POGZ: variants seen among roughly 807,000 people sequenced by gnomAD.
POGZ encodes pogo transposable element with ZNF domain.
A neutral mutation model predicts 134.6 loss-of-function variants in POGZ; 17 were observed. The ratio of observed to expected loss-of-function variants is 0.13; its 90% CI spans 0.09 to 0.19. The LOEUF is 0.19. POGZ is among the 10% of genes least tolerant of loss of function. The pLI is 1.00. For missense variants in POGZ, 1,306 were observed against 1,769.7 expected (o/e 0.74, Z 4.70); for synonymous variants, 693 against 657.1 (o/e 1.05, Z -0.84).
At chr1:151,408,638 G>C in intron 13 of POGZ, 56 bp downstream of exon 13, 31 of 1,604,132 alleles carry the variant, frequency 1.9e-5, no homozygotes, top group Non-Finnish European at 2.6e-5. Context: ...TCAGAATACT[G>C]AAAATCTCTA....
rs1243393917 is a variant in POGZ at position 151,404,771 on chromosome 1, CTCACT to C, written c.*26_*30del. On this transcript the variant is annotated 3_prime_UTR_variant, in exon 19 of 19. Transcript: ENST00000271715. ...TTACCCTCCCTCACATGTTCCCACC[CTCACT>C]CCACACCCCCTCATGACCCCAACAC... The C allele has an allele frequency of 1.3e-6, 2 of 1,559,524 alleles. No homozygotes were observed.
At position 151,429,673 on chromosome 1, in the gene POGZ, T is replaced by G; in HGVS notation, c.498A>C (p.Ala166=). 1 of 1,613,480 alleles carries G rather than the reference T, an allele frequency of 6.2e-7. No homozygotes were observed. Among genetic ancestry groups the G allele is most frequent in the Non-Finnish European group, 8.5e-7 (1 of 1,179,458 alleles). Reference sequence around the variant, plus strand: ...TCAGCACAATCCCAACCTGATTCATTGCATTTTGTACAGGCCGGACATTCC... The same window carrying G: ...TCAGCACAATCCCAACCTGATTCATGGCATTTTGTACAGGCCGGACATTCC... The part of the protein sequence containing the change: ...PVRNVRPVQN[A]MNQVGIVLNV... The change falls in exon 5 of 19, where the codon GCA becomes GCC. Residue 166 remains alanine (A), a synonymous_variant. Coordinates refer to ENST00000271715, the MANE Select transcript of POGZ (RefSeq NM_015100.4).
intron 10 of POGZ, among the ~76,000 whole-genome samples, 179 bp downstream of exon 10, chr1:151,423,218 A>G (rs1048613766): frequency 6.6e-6 from 1 of 152,142 alleles, no homozygotes; most frequent in African/African-American, 2.4e-5. Flanking sequence ...AACAAAATAA[A>G]AGTCAGGCTT....
At chr1:151,452,208 C>T (rs894423221) in intron 1 of POGZ, among the ~76,000 whole-genome samples, 2 of 151,340 alleles carry the variant, frequency 1.3e-5, no homozygotes, top group South Asian at 2.1e-4. Flanking sequence ...GAAACAGAAC[C>T]GATCCCTCTA....
In POGZ at chr1:151,429,689, C is replaced by T. The variant is rs767143110; in HGVS notation, c.482G>A (p.Arg161Gln). ...CTGATTCATTGCATTTTGTACAGGC[C>T]GGACATTCCTTACAGGAAATCCCTG... Reference protein sequence around the residue: ...TTQGFPVRNVRPVQNAMNQVG... With the variant: ...TTQGFPVRNVQPVQNAMNQVG... Residue 161 changes from arginine to glutamine, a missense_variant, in exon 5 of 19, where the codon CGG becomes CAG. Around this residue, in one of 10 missense-constraint regions of POGZ, gnomAD observed 541 missense variants for 680.5 expected, o/e 0.80. Transcript: ENST00000271715. 4 of 1,611,334 alleles carry T rather than the reference C, an allele frequency of 2.5e-6. No homozygotes were observed. The highest frequency in any genetic ancestry group is 2.2e-5 in the South Asian group (2 of 90,930).
chr1:151,420,202 GT>G (rs1656652117), intron 10 of POGZ, among the ~76,000 whole-genome samples: 1 of 152,118 alleles, frequency 6.6e-6, no homozygotes, highest in African/African-American at 2.4e-5. Flanking sequence ...AAAAACTGGT[GT>G]TTTCACTAAG....
chr1:151,451,094 C>G (rs1018737037), intron 1 of POGZ: 1 of 151,762 alleles, frequency 6.6e-6, no homozygotes, highest in Non-Finnish European at 1.5e-5. Flanking sequence ...TGGTGGCACA[C>G]GCCTGTAATC....
chr1:151,458,536 C>T lies in POGZ; in HGVS notation c.-2+616G>A, dbSNP rs553561964. Among the ~76,000 whole-genome samples, 3 of 151,566 alleles carry T rather than the reference C, an allele frequency of 2.0e-5. No homozygotes were observed. The South Asian group carries it at 6.2e-4, about 31-fold the overall frequency. ...TTCCTCCTCCCGCTCAAAACGAGCG[C>T]CCCACTCCTTCTCGGAGCGGGAATG... On this transcript the variant is annotated intron_variant, in intron 1 of 18. Transcript: ENST00000271715.
chr1:151,444,532 C>G (rs1661001357), intron 1 of POGZ, among the ~76,000 whole-genome samples: 1 of 152,142 alleles, frequency 6.6e-6, no homozygotes, highest in Admixed American at 6.5e-5. Context: ...GGACAATAAC[C>G]TCTGCCGATG....
rs555935933 is a variant in POGZ at position 151,405,246 on chromosome 1, T to C, written c.3789A>G (p.Pro1263=). 5.1e-5 allele frequency: 82 copies of C among 1,614,100 alleles called. No homozygotes were observed. Among genetic ancestry groups the C allele is most frequent in the Non-Finnish European group, 6.6e-5 (78 of 1,180,018 alleles). ...CAGTTCTTTTGATGCATACATCTAA[T>C]GGCTGAATTTTGGAGCTACAGCCTG... ...VPAGCSSKIQ[P]LDVCIKRTVK... The change falls in exon 19 of 19, where the codon CCA becomes CCG. Residue 1263 remains proline (P), a synonymous_variant. Coordinates refer to ENST00000271715, the MANE Select transcript of POGZ (RefSeq NM_015100.4). The surrounding 1 kb of genome is among the most constrained non-coding windows in gnomAD (Gnocchi z 4.9).
At chr1:151,431,523 A>G (rs1453254545) in intron 3 of POGZ, among the ~76,000 whole-genome samples, 4 of 152,190 alleles carry the variant, frequency 2.6e-5, no homozygotes, top group African/African-American at 4.8e-5. Flanking sequence ...AATCTGAGAA[A>G]TGCAAGATTC....
At position 151,403,705 on chromosome 1, in the gene POGZ, G is replaced by A. The variant is rs1653096588; in HGVS notation, c.*1097C>T. ...TTCCCTAAGTATTAAGAGAAATAGGGGAAAGCCACAGAGCACGCTGGATTT... is the reference window on the plus strand; with the variant it reads ...TTCCCTAAGTATTAAGAGAAATAGGAGAAAGCCACAGAGCACGCTGGATTT... On this transcript the variant is annotated 3_prime_UTR_variant, in exon 19 of 19. Transcript: ENST00000271715. The A allele has an allele frequency of 1.0e-6, 1 of 985,832 alleles. No homozygotes were observed. Among genetic ancestry groups the A allele is most frequent in the Middle Eastern group, 5.2e-4 (1 of 1,914 alleles). The allele number at this position is 985,832 out of a possible 1,614,324, so 61.1% of individuals were successfully genotyped here. A position where few individuals can be genotyped will look rare whatever the true frequency, so the allele number is the denominator to read the frequency against.
Position 151,449,329 on chromosome 1 carries a change from C to A in POGZ, c.-1-7124G>T, listed in dbSNP as rs10157020. Among the ~76,000 whole-genome samples, 3 of 152,060 alleles carry A rather than the reference C, an allele frequency of 2.0e-5. No individual in the cohort carries two copies. The South Asian group carries it at 6.2e-4, about 32-fold the overall frequency. On this transcript the variant is annotated intron_variant, in intron 1 of 18. Transcript: ENST00000271715. The stretch of plus-strand genomic sequence containing the variant: ...GAGGTCACGTTTGCCCCCCAGAGGG[C>A]ATTTGGCAATGTCTAGAGACATTTT...
At chr1:151,421,871 G>C (rs1656982283) in intron 10 of POGZ, among the ~76,000 whole-genome samples, 1 of 152,148 alleles carries the variant, frequency 6.6e-6, no homozygotes, top group Non-Finnish European at 1.5e-5. Context: ...TCATGCCTTG[G>C]CTTCCTGAGT....
intron 10 of POGZ, among the ~76,000 whole-genome samples, chr1:151,412,897 C>T (rs532261198): frequency 4.6e-5 from 7 of 152,264 alleles, no homozygotes; most frequent in African/African-American, 1.4e-4. Flanking sequence ...CTCCTACTCT[C>T]TTTGAAATTG....
intron 10 of POGZ, among the ~76,000 whole-genome samples, chr1:151,418,011 G>A (rs571863469): frequency 2.3e-4 from 35 of 152,054 alleles, no homozygotes; most frequent in Non-Finnish European, 4.3e-4. Flanking sequence ...TCAGGAGTTT[G>A]AGACCAGCCT....
At chr1:151,412,609 T>C (rs1654866698) in intron 10 of POGZ, among the ~76,000 whole-genome samples, 2 of 152,342 alleles carry the variant, frequency 1.3e-5, no homozygotes, top group Non-Finnish European at 1.5e-5. Context: ...CAAAGCTTCA[T>C]TCTAGATTTT....
In POGZ at chr1:151,403,623, A is replaced by G; in HGVS notation, c.*1179T>C. The G allele has an allele frequency of 1.0e-6, 1 of 985,802 alleles. No homozygotes were observed. Among genetic ancestry groups the G allele is most frequent in the Non-Finnish European group, 1.2e-6 (1 of 829,876 alleles). The allele number at this position is 985,802 out of a possible 1,614,324, so 61.1% of individuals were successfully genotyped here. A position where few individuals can be genotyped will look rare whatever the true frequency, so the allele number is the denominator to read the frequency against. ...TTCCTTGAAGCTGGCAGTGAAAAAT[A>G]AAGATTCATGTCATTTTCTTTGTGC... is the stretch of plus-strand genomic sequence containing the variant. On this transcript the variant is annotated 3_prime_UTR_variant, in exon 19 of 19. Transcript: ENST00000271715.
chr1:151,424,832 AAG>A, intron 8 of POGZ, 121 bp downstream of exon 8: 1 of 618,276 alleles, frequency 1.6e-6, no homozygotes, highest in Middle Eastern at 2.8e-4. Context: ...AAAACAGACC[AAG>A]AGAAACAGTA....
Sources: gnomAD v4.1 joint callset for allele counts (sites outside exome capture counted in the v4.1 genomes callset) on GRCh38, gnomAD v4.1.1 for gene constraint, gnomAD v4.1.1 regional missense constraint, Gnocchi (gnomAD v3.1) non-coding constraint, MANE v1.5 for transcripts, NCBI Gene and HGNC (gene_info 2026-07-23, HGNC 2026-07-21) for gene names.